SCD5: variants seen among roughly 807,000 people sequenced by gnomAD.
SCD5 encodes acyl-CoA-desaturase 4.
A neutral mutation model predicts 30.4 loss-of-function variants in SCD5; 20 were observed. The ratio of observed to expected loss-of-function variants is 0.66; its 90% CI spans 0.46 to 0.96. The LOEUF is 0.96. Ranked by LOEUF, SCD5 falls within the 40% of genes least tolerant of loss-of-function variation. SCD5 has a pLI of 0.00. For missense variants in SCD5, 381 were observed against 443.3 expected, an observed-to-expected ratio of 0.86 and a Z score of 1.26; for synonymous variants, 173 against 176.4, an observed-to-expected ratio of 0.98 and a Z score of 0.16.
intron 1 of SCD5, among the ~76,000 whole-genome samples, chr4:82,772,993 A>T (rs189774918): frequency 8.8e-4 from 134 of 152,314 alleles, no homozygotes; most frequent in African/African-American, 2.9e-3. Context: ...AAGGAGACTT[A>T]ATGGATAGGG....
intron 1 of SCD5, among the ~76,000 whole-genome samples, chr4:82,739,089 G>A (rs1025728744): frequency 1.3e-5 from 2 of 152,110 alleles, no homozygotes; most frequent in Non-Finnish European, 2.9e-5. Flanking sequence ...TACTAGTTGC[G>A]GGTTGACTGT....
chr4:82,752,313 G>C (rs1424183657), intron 1 of SCD5, among the ~76,000 whole-genome samples: 1 of 150,230 alleles, frequency 6.7e-6, no homozygotes, highest in Non-Finnish European at 1.5e-5. Context: ...GCAAGATCTT[G>C]ACACTCCAAA....
At chr4:82,734,813 G>A (rs908281112) in intron 1 of SCD5, among the ~76,000 whole-genome samples, 5 of 150,050 alleles carry the variant, frequency 3.3e-5, no homozygotes, top group African/African-American at 1.2e-4. Context: ...TGCCCAGGCT[G>A]GAGTGCAGTG....
chr4:82,689,559 A>G (rs1181979782), intron 2 of SCD5, among the ~76,000 whole-genome samples: 1 of 152,232 alleles, frequency 6.6e-6, no homozygotes, highest in Non-Finnish European at 1.5e-5. Flanking sequence ...ACAGTAAAAT[A>G]CCAATTGACA....
At chr4:82,682,966 C>T (rs1728613273) in intron 2 of SCD5, among the ~76,000 whole-genome samples, 1 of 152,168 alleles carries the variant, frequency 6.6e-6, no homozygotes, top group Non-Finnish European at 1.5e-5. Flanking sequence ...TAAATGTGCG[C>T]CAACAAATCC....
intron 1 of SCD5, among the ~76,000 whole-genome samples, chr4:82,744,991 GA>G (rs1277083811): frequency 6.6e-6 from 1 of 152,098 alleles, no homozygotes; most frequent in African/African-American, 2.4e-5. Context: ...AGGACAGGGA[GA>G]AAAAACAGGG....
At chr4:82,784,638 A>G (rs1721948476) in intron 1 of SCD5, among the ~76,000 whole-genome samples, 1 of 152,236 alleles carries the variant, frequency 6.6e-6, no homozygotes, top group African/African-American at 2.4e-5. Flanking sequence ...ACAGTGCTGT[A>G]ATACCTTTCT....
At chr4:82,703,634 G>C (rs574575281) in intron 2 of SCD5, among the ~76,000 whole-genome samples, 1 of 152,052 alleles carries the variant, frequency 6.6e-6, no homozygotes, top group African/African-American at 2.4e-5. Context: ...GTGGTGTTTT[G>C]TTAAGAAAAC....
intron 1 of SCD5, among the ~76,000 whole-genome samples, chr4:82,730,679 G>A (rs529238492): frequency 6.9e-5 from 10 of 145,910 alleles, no homozygotes; most frequent in South Asian, 4.3e-4. Context: ...TCTGCCTCCC[G>A]GGTTCACACC....
At chr4:82,683,647 A>T (rs956934341) in intron 2 of SCD5, among the ~76,000 whole-genome samples, 9 of 152,152 alleles carry the variant, frequency 5.9e-5, no homozygotes, top group Non-Finnish European at 4.4e-5. Flanking sequence ...TCCCCACCCA[A>T]ATCTCATCTG....
At chr4:82,785,403 G>A (rs570336431) in intron 1 of SCD5, among the ~76,000 whole-genome samples, 5 of 152,248 alleles carry the variant, frequency 3.3e-5, no homozygotes, top group African/African-American at 1.2e-4. Context: ...TACATAACAA[G>A]CCTTACTAAC....
At chr4:82,790,181 T>TG (rs1239226286) in intron 1 of SCD5, among the ~76,000 whole-genome samples, 10 of 151,858 alleles carry the variant, frequency 6.6e-5, no homozygotes, top group African/African-American at 2.4e-4. Flanking sequence ...CACCGACAAG[T>TG]GCTGGTCTAG....
chr4:82,661,620 A>G (rs1728009294), intron 3 of SCD5, among the ~76,000 whole-genome samples: 1 of 152,256 alleles, frequency 6.6e-6, no homozygotes, highest in Admixed American at 6.5e-5. Context: ...ATGTGTTTCT[A>G]GCTAATCACT....
intron 1 of SCD5, among the ~76,000 whole-genome samples, chr4:82,720,448 A>C (rs1467805279): frequency 6.7e-5 from 10 of 148,246 alleles, no homozygotes; most frequent in African/African-American, 2.3e-4. Context: ...AAATAAAAAA[A>C]AAAAAAAAAA....
At chr4:82,776,356 T>C (rs1721744100) in intron 1 of SCD5, among the ~76,000 whole-genome samples, 1 of 152,170 alleles carries the variant, frequency 6.6e-6, no homozygotes, top group South Asian at 2.1e-4. Flanking sequence ...GAAAAAAAGA[T>C]CATTTCGGCA....
At chr4:82,738,284 T>C (rs1248957887) in intron 1 of SCD5, among the ~76,000 whole-genome samples, 1 of 152,078 alleles carries the variant, frequency 6.6e-6, no homozygotes, top group Non-Finnish European at 1.5e-5. Flanking sequence ...TAGCTGGGTG[T>C]GGTGGCGTGC....
At chr4:82,711,183 TCC>T (rs57938783) in intron 1 of SCD5, among the ~76,000 whole-genome samples, 1 of 150,252 alleles carries the variant, frequency 6.7e-6, no homozygotes, top group African/African-American at 2.4e-5. Context: ...TCTGAAAAGA[TCC>T]CCCCCCCGAT....
intron 1 of SCD5, among the ~76,000 whole-genome samples, chr4:82,771,414 G>C (rs569906372): frequency 5.5e-4 from 83 of 152,160 alleles, no homozygotes; most frequent in Non-Finnish European, 1.0e-3. Flanking sequence ...GCAAGACAAG[G>C]GGGTATTTCA....
At chr4:82,635,822 C>A (rs1048321454) in intron 4 of SCD5, among the ~76,000 whole-genome samples, 1 of 152,090 alleles carries the variant, frequency 6.6e-6, no homozygotes, top group Non-Finnish European at 1.5e-5. Context: ...AGGACTCAAC[C>A]AAAGTCGCTG....
Sources: gnomAD v4.1 joint callset for allele counts (sites outside exome capture counted in the v4.1 genomes callset) on GRCh38, gnomAD v4.1.1 for gene constraint, MANE v1.5 for transcripts, NCBI Gene and HGNC (gene_info 2026-07-23, HGNC 2026-07-21) for gene names.